ADGRV1: variants seen among roughly 807,000 people sequenced by gnomAD.
ADGRV1 encodes the protein adhesion G protein-coupled receptor V1.
ADGRV1 carries 359 observed loss-of-function variants against 596.2 expected under a neutral mutation model. The observed-to-expected ratio is 0.60, with a 90% CI of 0.55 to 0.66. The LOEUF is 0.66. ADGRV1 is among the 30% of genes least tolerant of loss of function. The pLI, the probability that ADGRV1 is intolerant of heterozygous loss-of-function variation, is 0.00. For synonymous variants in ADGRV1, 2,681 were observed against 2,679.2 expected (o/e 1.00, Z -0.02); for missense variants, 7,274 against 7,575.6 (o/e 0.96, Z 1.48).
At chr5:91,072,316 C>A in intron 85 of ADGRV1, 131 bp from the exon 86 acceptor site, 1 of 816,512 alleles carries the variant, frequency 1.2e-6, no homozygotes, top group Non-Finnish European at 2.0e-6. Context: ...TTCAGTTTGG[C>A]AAACCAAAAA....
At chr5:90,965,291 G>T in intron 83 of ADGRV1, 124 bp from the exon 84 acceptor site, 1 of 654,270 alleles carries the variant, frequency 1.5e-6, no homozygotes, top group East Asian at 2.8e-5. Flanking sequence ...GTTTGGGCAA[G>T]AAGTCAACTT....
At chr5:91,044,892 G>T (rs1202177871) in intron 85 of ADGRV1, among the ~76,000 whole-genome samples, 1 of 152,072 alleles carries the variant, frequency 6.6e-6, no homozygotes, top group Non-Finnish European at 1.5e-5. Context: ...AAACCTGTAA[G>T]AAATCAGTAC....
intron 85 of ADGRV1, among the ~76,000 whole-genome samples, chr5:91,036,032 G>A (rs1484551939): frequency 1.3e-5 from 2 of 151,310 alleles, no homozygotes; most frequent in African/African-American, 4.9e-5. Context: ...GATATGTGAT[G>A]TTAAAAATAT....
chr5:90,786,339 T>C (rs1286864366), intron 67 of ADGRV1, among the ~76,000 whole-genome samples: 1 of 152,154 alleles, frequency 6.6e-6, no homozygotes, highest in Non-Finnish European at 1.5e-5. Context: ...ACATAGTACA[T>C]GTATACCTAT....
intron 85 of ADGRV1, among the ~76,000 whole-genome samples, chr5:91,053,357 A>G (rs915654880): frequency 1.3e-5 from 2 of 152,106 alleles, no homozygotes; most frequent in Admixed American, 6.5e-5. Context: ...TTTTAATTCT[A>G]TGTGTTTATT....
At chr5:91,066,851 G>A (rs1787925050) in intron 85 of ADGRV1, among the ~76,000 whole-genome samples, 1 of 152,228 alleles carries the variant, frequency 6.6e-6, no homozygotes, top group African/African-American at 2.4e-5. Context: ...CTGCAGTTCT[G>A]CAATGCTGTA....
chr5:90,745,571 G>T lies in ADGRV1; in HGVS notation c.10770-20G>T, dbSNP rs764540316. ...AAATTTGTTGTAGTTGACTTATTTT[G>T]TATATGCTTCTTATGGTAGTTCAGG... On this transcript the variant is annotated intron_variant, in intron 51 of 89. Transcript: ENST00000405460. 5 of 1,549,606 alleles carry T rather than the reference G, an allele frequency of 3.2e-6. No homozygotes were observed. The African/African-American group carries it at 6.8e-5, about 21-fold the overall frequency.
intron 70 of ADGRV1, among the ~76,000 whole-genome samples, chr5:90,795,554 G>T (rs1429379101): frequency 6.6e-6 from 1 of 152,190 alleles, no homozygotes; most frequent in East Asian, 1.9e-4. Context: ...GGGGGAAGGG[G>T]CGGCTGAAGG....
chr5:90,817,457 C>T (rs1373424970), intron 75 of ADGRV1, among the ~76,000 whole-genome samples: 1 of 151,292 alleles, frequency 6.6e-6, no homozygotes, highest in Non-Finnish European at 1.5e-5. Flanking sequence ...GTTGCCATTG[C>T]TTTTGGTGTT....
chr5:90,772,868 T>C (rs988999493), intron 59 of ADGRV1, among the ~76,000 whole-genome samples: 7 of 152,070 alleles, frequency 4.6e-5, no homozygotes, highest in Non-Finnish European at 5.9e-5. Context: ...CCCACAGCAA[T>C]GAAAATAATA....
At chr5:91,099,267 C>CAA (rs55931707) in intron 86 of ADGRV1, among the ~76,000 whole-genome samples, 3 of 142,652 alleles carry the variant, frequency 2.1e-5, no homozygotes, top group African/African-American at 2.6e-5. Flanking sequence ...ATTTCTCTCT[C>CAA]AAAAAAAAAA....
chr5:90,619,944 T>C (rs1228595874), intron 4 of ADGRV1, among the ~76,000 whole-genome samples: 1 of 152,114 alleles, frequency 6.6e-6, no homozygotes, highest in African/African-American at 2.4e-5. Flanking sequence ...TCATTTTTTA[T>C]GGCTGCATAG....
chr5:90,614,578 C>A, intron 1 of ADGRV1: 1 of 394,548 alleles, frequency 2.5e-6, no homozygotes, highest in Non-Finnish European at 4.7e-6. Context: ...GTTTAACTTA[C>A]AGCTATTATC....
intron 1 of ADGRV1, among the ~76,000 whole-genome samples, chr5:90,579,457 T>C (rs901770804): frequency 3.9e-5 from 6 of 152,252 alleles, no homozygotes; most frequent in Non-Finnish European, 7.3e-5. Context: ...TTGATTGCAC[T>C]GTGGTCTGAG....
At chr5:90,983,641 A>T (rs923543906) in intron 84 of ADGRV1, among the ~76,000 whole-genome samples, 1 of 152,184 alleles carries the variant, frequency 6.6e-6, no homozygotes, top group African/African-American at 2.4e-5. Context: ...TTGAGTCCAC[A>T]TCCCTATATT....
Position 90,684,087 on chromosome 5 carries a change from G to A in ADGRV1, c.6166G>A (p.Ala2056Thr), listed in dbSNP as rs1253910625. The A allele has an allele frequency of 6.2e-7, 1 of 1,613,874 alleles. No homozygotes were observed. The highest frequency in any genetic ancestry group is 1.7e-5 in the Admixed American group (1 of 60,006). ...TCTTTTTGGAGCTAATCAGAGTGAG[G>A]CAACAATAGCTATTTCAATTTTGGA... ...FALFGANQSE[A>T]TIAISILDDD... Residue 2056 changes from alanine (A) to threonine (T), a missense_variant, in exon 28 of 90, where the codon GCA becomes ACA. Coordinates refer to ENST00000405460, the MANE Select transcript of ADGRV1 (RefSeq NM_032119.4).
intron 83 of ADGRV1, among the ~76,000 whole-genome samples, chr5:90,955,694 A>G (rs919368266): frequency 6.6e-6 from 1 of 152,150 alleles, no homozygotes; most frequent in African/African-American, 2.4e-5. Context: ...AACTAAAGCA[A>G]TTATGCAATA....
chr5:90,809,681 A>G (rs539802589), intron 73 of ADGRV1, among the ~76,000 whole-genome samples: 21 of 152,364 alleles, frequency 1.4e-4, no homozygotes, highest in Admixed American at 1.3e-3. Flanking sequence ...TGATATAGCT[A>G]TTAACTCACA....
rs891395768 is a variant in ADGRV1, at chr5:90,668,207, G to A, written c.4753-4339G>A. On this transcript the variant is annotated intron_variant, in intron 21 of 89. Coordinates refer to ENST00000405460, the MANE Select transcript of ADGRV1 (RefSeq NM_032119.4). ...GGCAATGGCGGGCGCCCCTCCCCCAGCCTCGCTGCCGCCTTGCAGTTTGAT... is the reference window on the plus strand; with the variant it reads ...GGCAATGGCGGGCGCCCCTCCCCCAACCTCGCTGCCGCCTTGCAGTTTGAT... Among the ~76,000 whole-genome samples the A allele has an allele frequency of 1.4e-3, 210 of 152,070 alleles. 1 individual carries two copies. The highest frequency in any genetic ancestry group is 4.8e-3 in the African/African-American group (201 of 41,486).
Sources: allele counts gnomAD v4.1 joint callset (sites outside exome capture counted in the v4.1 genomes callset), GRCh38; gene constraint gnomAD v4.1.1; transcripts MANE v1.5; gene names NCBI Gene and HGNC (gene_info 2026-07-23, HGNC 2026-07-21).